Variants in OTOGL observed in about 807,000 individuals in gnomAD.
OTOGL encodes the protein otogelin like.
OTOGL carries 285 observed loss-of-function variants against 318.5 expected under a neutral mutation model. The observed-to-expected ratio is 0.89, with a 90% confidence interval of 0.81 to 0.99. The LOEUF is 0.99. OTOGL is among the 50% of genes least tolerant of loss of function. OTOGL has a pLI of 0.00. For synonymous variants in OTOGL, 987 were observed against 936.5 expected (o/e 1.05, Z -0.99); for missense variants, 2,899 against 2,845.6 (o/e 1.02, Z -0.43).
intron 11 of OTOGL, among the ~76,000 whole-genome samples, chr12:80,243,051 T>A (rs1880520422): frequency 6.6e-6 from 1 of 152,072 alleles, no homozygotes. Flanking sequence ...TTTAATTGTT[T>A]ATTAAAAATG....
chr12:80,339,304 T>TG, intron 43 of OTOGL, 40 bp downstream of exon 43: 5 of 1,143,840 alleles, frequency 4.4e-6, no homozygotes, highest in Non-Finnish European at 5.9e-6. Flanking sequence ...GTCTGTTTTT[T>TG]TTTTTTTTTT....
At chr12:80,179,110 G>T (rs1874737978) in intron 1 of OTOGL, among the ~76,000 whole-genome samples, 1 of 152,096 alleles carries the variant, frequency 6.6e-6, no homozygotes, top group Non-Finnish European at 1.5e-5. Flanking sequence ...GGGCGGTGGG[G>T]GCTGGGGTAA....
At position 80,252,069 on chromosome 12, in the gene OTOGL, G is replaced by C. The variant is rs775004232; in HGVS notation, c.1160-7G>C. ...TTGACTTAAGCTCCCCTGTTTGTCT[G>C]TTTTAGCTGATAAATGTGATGATAG... On this transcript the variant is annotated splice_polypyrimidine_tract_variant and splice_region_variant and intron_variant, in intron 12 of 58. Transcript: ENST00000547103. 6.0e-5 allele frequency: 93 copies of C among 1,538,228 alleles called. 2 individuals are homozygous for C. The South Asian group carries it at 1.1e-3, about 18-fold the overall frequency.
rs12833718 is a variant in OTOGL at position 80,267,244 on chromosome 12, T to C, written c.2391-9T>C. ...TGTATCCTATTTACTTTACTTTTTC[T>C]TCGTATAGATTCCACTGCCGTTGTC... On this transcript the variant is annotated splice_polypyrimidine_tract_variant and intron_variant, in intron 21 of 58. Coordinates refer to ENST00000547103, the MANE Select transcript of OTOGL (RefSeq NM_001378609.3). 4 of 1,502,910 alleles carry C rather than the reference T, an allele frequency of 2.7e-6. No homozygotes were observed. The highest frequency in any genetic ancestry group is 3.6e-6 in the Non-Finnish European group (4 of 1,101,706). 93.1% of individuals were successfully genotyped at this position (1,502,910 alleles called of 1,614,324 possible).
chr12:80,231,651 T>G (rs893501264), intron 8 of OTOGL, among the ~76,000 whole-genome samples: 1 of 152,094 alleles, frequency 6.6e-6, no homozygotes, highest in African/African-American at 2.4e-5. Flanking sequence ...TTTTATTATT[T>G]TTAAACAGAG....
At chr12:80,212,643 C>T (rs909074792) in intron 4 of OTOGL, among the ~76,000 whole-genome samples, 2 of 152,088 alleles carry the variant, frequency 1.3e-5, no homozygotes, top group African/African-American at 2.4e-5. Context: ...TGGTAAAATA[C>T]AGAATCCTAA....
chr12:80,165,648 T>C (rs1873782416), intron 1 of OTOGL, among the ~76,000 whole-genome samples: 2 of 152,228 alleles, frequency 1.3e-5, no homozygotes, highest in Admixed American at 6.6e-5. Flanking sequence ...GTTTGATTCC[T>C]GCCCTGCGGG....
At chr12:80,266,329 T>A in intron 20 of OTOGL, 122 bp from the exon 21 acceptor site, 8 of 979,840 alleles carry the variant, frequency 8.2e-6, no homozygotes, top group Non-Finnish European at 1.2e-5. Context: ...AAGTTAAGGG[T>A]CTCCCAATTC....
chr12:80,236,878 G>A (rs189743545), intron 9 of OTOGL, among the ~76,000 whole-genome samples: 12 of 148,570 alleles, frequency 8.1e-5, no homozygotes, highest in African/African-American at 2.7e-4. Context: ...GCAGTGGCGC[G>A]ATCTTGGCTC....
intron 34 of OTOGL, among the ~76,000 whole-genome samples, chr12:80,323,311 G>A (rs978536749): frequency 2.0e-5 from 3 of 152,100 alleles, no homozygotes; most frequent in Non-Finnish European, 2.9e-5. Flanking sequence ...CTGTAGCATT[G>A]TAGTCAAAGA....
chr12:80,379,314 G>C lies in OTOGL; in HGVS notation c.*1266G>C, dbSNP rs1891342582. ...AAAGTCTCATTGCAAAGCAGATACT[G>C]GGCCTCAAGGGTGGGCTTAGGCTTA... is the stretch of plus-strand genomic sequence containing the variant. On this transcript the variant is annotated 3_prime_UTR_variant, in exon 59 of 59. Transcript: ENST00000547103. The C allele has an allele frequency of 6.6e-6, 1 of 151,900 alleles. No homozygotes were observed. The highest frequency in any genetic ancestry group is 2.4e-5 in the African/African-American group (1 of 41,406). 9.4% of individuals were successfully genotyped at this position (151,900 alleles called of 1,614,324 possible). A position where few individuals can be genotyped will look rare whatever the true frequency, so the allele number is the denominator to read the frequency against.
chr12:80,156,903 G>A (rs191952012), intron 1 of OTOGL, among the ~76,000 whole-genome samples: 2 of 152,096 alleles, frequency 1.3e-5, no homozygotes, highest in African/African-American at 4.8e-5. Flanking sequence ...AAAATTATGG[G>A]AGTGCAGGTA....
At chr12:80,356,088 A>G in intron 47 of OTOGL, 140 bp downstream of exon 47, 3 of 961,620 alleles carry the variant, frequency 3.1e-6, no homozygotes, top group South Asian at 1.6e-5. Flanking sequence ...GTTTTGTTTC[A>G]TTACAATTCT....
chr12:80,265,849 A>G (rs1048504975), intron 20 of OTOGL: 1 of 153,010 alleles, frequency 6.5e-6, no homozygotes, highest in East Asian at 1.9e-4. Context: ...TTAATTGCTC[A>G]ATTTTGGCTT....
At chr12:80,280,094 G>A (rs1432134409) in intron 26 of OTOGL, among the ~76,000 whole-genome samples, 1 of 151,760 alleles carries the variant, frequency 6.6e-6, no homozygotes, top group Non-Finnish European at 1.5e-5. Context: ...CTGCATGTAT[G>A]TATTCTTTTG....
intron 38 of OTOGL, among the ~76,000 whole-genome samples, chr12:80,335,449 TTTA>T (rs1232130710): frequency 3.3e-5 from 5 of 152,238 alleles, no homozygotes; most frequent in African/African-American, 9.6e-5. Flanking sequence ...CACTTATTTA[TTTA>T]TTATTTGTTT....
intron 1 of OTOGL, among the ~76,000 whole-genome samples, chr12:80,205,008 C>T (rs1876713638): frequency 1.3e-5 from 2 of 152,218 alleles, no homozygotes; most frequent in South Asian, 2.1e-4. Flanking sequence ...AGTCATCTAT[C>T]CTAAGTGAGA....
chr12:80,171,714 T>C (rs1874216697), intron 1 of OTOGL, among the ~76,000 whole-genome samples: 1 of 152,144 alleles, frequency 6.6e-6, no homozygotes, highest in Admixed American at 6.6e-5. Flanking sequence ...GGTTTTTTAT[T>C]GGGAGTTGAT....
chr12:80,334,798 A>G (rs748483182), intron 38 of OTOGL, among the ~76,000 whole-genome samples: 14 of 152,142 alleles, frequency 9.2e-5, no homozygotes, highest in Non-Finnish European at 2.1e-4. Context: ...GAGTTTCAGT[A>G]GAGTGGTAGG....
Sources: allele counts gnomAD v4.1 joint callset (sites outside exome capture counted in the v4.1 genomes callset), GRCh38; gene constraint gnomAD v4.1.1; transcripts MANE v1.5; gene names NCBI Gene and HGNC (gene_info 2026-07-23, HGNC 2026-07-21).